Variants in RIF1 observed in about 807,000 individuals in gnomAD.
RIF1 encodes the protein replication timing regulatory factor 1.
Under a neutral mutation model 247.1 loss-of-function variants are expected in RIF1, and 45 were observed. That is an observed-to-expected ratio of 0.18 (90% CI 0.14 to 0.23). The LOEUF is 0.23. RIF1 is among the 10% of genes least tolerant of loss of function. The pLI is 1.00. For synonymous variants in RIF1, 1,087 were observed against 978.8 expected, an observed-to-expected ratio of 1.11 and a Z score of -2.06; for missense variants, 2,967 against 2,862.5, an observed-to-expected ratio of 1.04 and a Z score of -0.83.
chr2:151,430,362 C>T (rs1689864959), intron 9 of RIF1, among the ~76,000 whole-genome samples: 1 of 145,416 alleles, frequency 6.9e-6, no homozygotes, highest in South Asian at 2.2e-4. Flanking sequence ...CACTGTGTTG[C>T]TCGGGCTGGA....
At position 151,465,386 on chromosome 2, in the gene RIF1, A is replaced by T; in HGVS notation, c.5866A>T (p.Thr1956Ser). ...AAGAAATGATGACTCTGAAGCAGAC[A>T]CAGCTAAACTGAATGCCAAAGAAGT... ...NKRNDDSEAD[T>S]AKLNAKEVAT... Residue 1956 changes from threonine to serine, a missense_variant, in exon 30 of 36, where the codon ACA (threonine) becomes TCA (serine). By Grantham distance (58) the Thr-to-Ser change is moderately conservative. This residue lies in a region of RIF1 where 2,028 missense variants were observed against 1,825.6 expected (regional missense o/e 1.11). Transcript: ENST00000444746. 6.2e-7 allele frequency: 1 copy of T among 1,613,378 alleles called. No individual in the cohort carries two copies. The highest frequency in any genetic ancestry group is 8.5e-7 in the Non-Finnish European group (1 of 1,179,816).
intron 8 of RIF1, among the ~76,000 whole-genome samples, chr2:151,425,827 C>T (rs551314645): frequency 3.3e-5 from 5 of 151,268 alleles, no homozygotes; most frequent in Admixed American, 6.6e-5. Context: ...CTACCATGCT[C>T]GGCACATTTT....
intron 12 of RIF1, chr2:151,505,945 CCT>C (rs748182149): frequency 1.7e-6 from 1 of 584,044 alleles, no homozygotes; most frequent in Non-Finnish European, 3.1e-6. Flanking sequence ...TTCTCACAAG[CCT>C]CTCTGTTTTT....
At chr2:151,499,423 A>G in exon 11 of RIF1, 1 of 1,289,402 alleles carries the variant, frequency 7.8e-7, no homozygotes, top group Non-Finnish European at 1.1e-6. Context: ...CAGAAAAAAC[A>G]AGAGCAGTCA....
At chr2:151,420,754 AAT>A (rs1688033274) in intron 7 of RIF1, among the ~76,000 whole-genome samples, 1 of 151,642 alleles carries the variant, frequency 6.6e-6, no homozygotes, top group African/African-American at 2.4e-5. Context: ...AAAAAAAAAA[AAT>A]CTGTCTGGGC....
chr2:151,497,942 A>ATGT (rs927832807), intron 10 of RIF1: 58 of 1,445,772 alleles, frequency 4.0e-5, no homozygotes, highest in Non-Finnish European at 5.0e-5. Flanking sequence ...AGAGTTATCC[A>ATGT]TGTTATTTTT....
chr2:151,459,955 ATTACCG>A, intron 25 of RIF1, 39 bp from the exon 26 acceptor site: 1 of 1,431,890 alleles, frequency 7.0e-7, no homozygotes, highest in Non-Finnish European at 9.4e-7. Flanking sequence ...AAAGCAAAAT[ATTACCG>A]TTCTATTTAA....
intron 8 of RIF1, among the ~76,000 whole-genome samples, chr2:151,427,766 C>A (rs1243859487): frequency 1.3e-5 from 2 of 149,902 alleles, no homozygotes; most frequent in Admixed American, 1.3e-4. Context: ...CTTGTCTCTA[C>A]TAAAAATACA....
At position 151,463,225 on chromosome 2, in the gene RIF1, T is replaced by G; in HGVS notation, c.3705T>G (p.Phe1235Leu). The change falls in exon 30 of 36, where the codon TTT becomes TTG. Residue 1235 changes from phenylalanine to leucine, a missense_variant. Physicochemically the swap from Phe to Leu is conservative, Grantham distance 22. Coordinates refer to ENST00000444746, the MANE Select transcript of RIF1 (RefSeq NM_018151.5). ...TTGATGGTTCAGAAAATAGACCTTT[T>G]AGTCCATCCCCCTTGAATAATATTT... ...EKFDGSENRPFSPSPLNNISS... is the reference protein window; with the variant it reads ...EKFDGSENRPLSPSPLNNISS... 3.7e-6 allele frequency: 6 copies of G among 1,614,102 alleles called. No homozygotes were observed. The highest frequency in any genetic ancestry group is 5.1e-6 in the Non-Finnish European group (6 of 1,179,966).
chr2:151,410,567 C>T (rs779225927), intron 2 of RIF1, 40 bp downstream of exon 2: 3 of 1,492,454 alleles, frequency 2.0e-6, no homozygotes, highest in African/African-American at 2.7e-5. Context: ...GTGGGGCGCT[C>T]TATAGTGGGG....
At chr2:151,440,409 G>C (rs937302565) in intron 15 of RIF1, among the ~76,000 whole-genome samples, 3 of 152,182 alleles carry the variant, frequency 2.0e-5, no homozygotes, top group African/African-American at 7.2e-5. Flanking sequence ...AACTTGAACT[G>C]AAGAAACTCA....
the RIF1 span, chr2:151,527,060 A>T: frequency 1.5e-6 from 2 of 1,376,248 alleles, no homozygotes; most frequent in Non-Finnish European, 2.0e-6. Flanking sequence ...GGGAAGGGTG[A>T]CAGCACAGGA....
In RIF1 at chr2:151,423,062, A is replaced by G. The variant is rs756774539; in HGVS notation, c.786+20A>G. 7.8e-7 allele frequency: 1 copy of G among 1,284,866 alleles called. No homozygotes were observed. The highest frequency in any genetic ancestry group is 1.2e-5 in the South Asian group (1 of 81,178). 79.6% of individuals were successfully genotyped at this position (1,284,866 alleles called of 1,614,324 possible). On this transcript the variant is annotated intron_variant, in intron 8 of 35. Coordinates refer to ENST00000444746, the MANE Select transcript of RIF1 (RefSeq NM_018151.5). ...GGAAGGGTAAGTGCCCAGTTAATGA[A>G]CAGTCAACAGTTTTTACATGCTGGA... is the stretch of plus-strand genomic sequence containing the variant.
chr2:151,455,957 G>A (rs1695124310), intron 22 of RIF1, among the ~76,000 whole-genome samples: 8 of 152,018 alleles, frequency 5.3e-5, no homozygotes, highest in South Asian at 2.1e-4. Flanking sequence ...TTATTTATAC[G>A]TAAATCATTG....
intron 31 of RIF1, 114 bp from the exon 32 acceptor site, chr2:151,468,360 C>G: frequency 4.2e-6 from 4 of 959,940 alleles, no homozygotes; most frequent in Admixed American, 4.4e-5. Flanking sequence ...GTAGATTACT[C>G]TTTTTATGTT....
At chr2:151,510,271 T>C (rs984715234), downstream of RIF1, among the ~76,000 whole-genome samples, 43 of 152,356 alleles carry the variant, frequency 2.8e-4, no homozygotes, top group African/African-American at 9.6e-4. Flanking sequence ...AAAACTTGTT[T>C]AATTCTACAT....
At chr2:151,493,458 A>G in intron 9 of RIF1, 1 of 1,541,726 alleles carries the variant, frequency 6.5e-7, no homozygotes. Flanking sequence ...AGGGAAGCCA[A>G]AAGAGCATCT....
chr2:151,492,237 T>C (rs751387280), intron 9 of RIF1: 1 of 1,613,912 alleles, frequency 6.2e-7, no homozygotes, highest in Non-Finnish European at 8.5e-7. Context: ...TCACCACTGG[T>C]GTGAAGCAAC....
rs532128614 is a variant in RIF1, at chr2:151,420,502, G to A, written c.693+123G>A. The A allele has an allele frequency of 6.8e-5, 58 of 850,410 alleles. No homozygotes were observed. In the East Asian group the frequency reaches 1.4e-3, roughly 21 times the overall value. The allele number at this position is 850,410 out of a possible 1,614,324, so 52.7% of individuals were successfully genotyped here. On this transcript the variant is annotated intron_variant, in intron 7 of 35. Transcript: ENST00000444746. ...ACCTGTAGTCCCAAAGCGGGAGGCT[G>A]AGGTGGGAGGATTGCTTGAGGCCAG...
Sources: allele counts gnomAD v4.1 joint callset (sites outside exome capture counted in the v4.1 genomes callset), GRCh38; gene constraint gnomAD v4.1.1; regional missense constraint gnomAD v4.1.1; transcripts MANE v1.5; gene names NCBI Gene and HGNC (gene_info 2026-07-23, HGNC 2026-07-21).